The following TENM4 variants were observed in gnomAD, a reference collection of about 807,000 sequenced individuals.
The protein encoded by TENM4 is teneurin transmembrane protein 4.
TENM4 carries 82 observed loss-of-function variants against 243.3 expected under a neutral mutation model. That is an observed-to-expected ratio of 0.34 (90% CI 0.28 to 0.40). The LOEUF (loss-of-function observed/expected upper bound fraction) is 0.40. TENM4 is among the 10% of genes least tolerant of loss of function. The pLI is 1.00. For missense variants in TENM4, 3,138 were observed against 3,673.3 expected (o/e 0.85, Z 3.77); for synonymous variants, 1,412 against 1,456.3 (o/e 0.97, Z 0.69).
intron 6 of TENM4, among the ~76,000 whole-genome samples, chr11:78,912,836 G>A (rs1441647053): frequency 6.6e-6 from 1 of 152,198 alleles, no homozygotes; most frequent in African/African-American, 2.4e-5. Context: ...TTTTAAGCAT[G>A]GGGCTTGCAT....
chr11:78,983,462 C>T (rs1857848524), intron 6 of TENM4, among the ~76,000 whole-genome samples: 1 of 152,260 alleles, frequency 6.6e-6, no homozygotes, highest in Non-Finnish European at 1.5e-5. Flanking sequence ...TTTTGTTTGT[C>T]ATCCATTCGA....
chr11:79,268,944 G>A (rs1855923899), intron 2 of TENM4, among the ~76,000 whole-genome samples: 1 of 152,224 alleles, frequency 6.6e-6, no homozygotes, highest in African/African-American at 2.4e-5. Context: ...ATTGCTGGCT[G>A]AGAGTTCAAT....
chr11:78,695,510 C>T (rs919113134), intron 28 of TENM4, among the ~76,000 whole-genome samples: 11 of 151,990 alleles, frequency 7.2e-5, no homozygotes, highest in Admixed American at 6.6e-4. Flanking sequence ...ACTACAGGTG[C>T]GCACCACCAT....
intron 27 of TENM4, among the ~76,000 whole-genome samples, chr11:78,704,142 T>A (rs1054320452): frequency 7.6e-6 from 1 of 131,034 alleles, no homozygotes; most frequent in Non-Finnish European, 1.6e-5. Context: ...TGTATGTCTA[T>A]GTGTATGTAT....
intron 14 of TENM4, among the ~76,000 whole-genome samples, chr11:78,808,525 C>T (rs1381378694): frequency 6.6e-6 from 1 of 152,116 alleles, no homozygotes; most frequent in African/African-American, 2.4e-5. Context: ...AATAACTTGC[C>T]CAAGATTACA....
At chr11:78,911,360 C>G (rs1856181424) in intron 6 of TENM4, among the ~76,000 whole-genome samples, 1 of 152,188 alleles carries the variant, frequency 6.6e-6, no homozygotes. Context: ...ATCCTTAGTT[C>G]CAGACCATTC....
chr11:79,020,976 T>C (rs1858912117), intron 6 of TENM4, among the ~76,000 whole-genome samples: 2 of 152,212 alleles, frequency 1.3e-5, no homozygotes, highest in South Asian at 4.1e-4. Flanking sequence ...ATGCACAGTG[T>C]TGAAATGCCC....
chr11:78,922,028 C>T (rs533412419), intron 6 of TENM4, among the ~76,000 whole-genome samples: 10 of 152,180 alleles, frequency 6.6e-5, no homozygotes, highest in Non-Finnish European at 1.2e-4. Context: ...TGCTGGCACC[C>T]AGGCTGTATA....
intron 12 of TENM4, among the ~76,000 whole-genome samples, chr11:78,821,143 C>T (rs980634603): frequency 1.2e-4 from 18 of 152,218 alleles, no homozygotes; most frequent in African/African-American, 4.3e-4. Context: ...TCCAGAAGTC[C>T]ACCAACCACT....
chr11:78,671,589 G>C (rs7119564), intron 31 of TENM4, among the ~76,000 whole-genome samples: 96,612 of 151,606 alleles, frequency 0.64, 31,686 homozygotes, highest in Non-Finnish European at 0.69. Flanking sequence ...GAGTTCTGAT[G>C]CTAGAGCAGA....
At chr11:78,807,172 C>A (rs1857406718) in intron 14 of TENM4, among the ~76,000 whole-genome samples, 1 of 152,180 alleles carries the variant, frequency 6.6e-6, no homozygotes, top group African/African-American at 2.4e-5. Flanking sequence ...ATACAAATAT[C>A]TCTTTGGGAC....
intron 3 of TENM4, among the ~76,000 whole-genome samples, chr11:79,196,098 G>A (rs1010954214): frequency 3.3e-5 from 5 of 151,942 alleles, no homozygotes; most frequent in Non-Finnish European, 4.4e-5. Flanking sequence ...AGTGCCTTTC[G>A]CCTCCCACCA....
chr11:78,807,780 C>A (rs1857420437), intron 14 of TENM4, among the ~76,000 whole-genome samples: 1 of 152,082 alleles, frequency 6.6e-6, no homozygotes, highest in Admixed American at 6.5e-5. Context: ...CACTAGGGAG[C>A]CCTATGCTGC....
intron 29 of TENM4, among the ~76,000 whole-genome samples, chr11:78,684,559 C>CAT (rs569556496): frequency 1.5e-3 from 229 of 152,246 alleles, no homozygotes; most frequent in African/African-American, 4.4e-3. Flanking sequence ...CACACACACA[C>CAT]ATCATGGTGA....
intron 6 of TENM4, among the ~76,000 whole-genome samples, chr11:79,040,505 T>C (rs1859493969): frequency 6.6e-6 from 1 of 152,200 alleles, no homozygotes; most frequent in East Asian, 1.9e-4. Flanking sequence ...GTCTGGTGTT[T>C]GCTGCACTTA....
At chr11:79,435,224 A>T (rs1859246954) in intron 1 of TENM4, among the ~76,000 whole-genome samples, 1 of 150,462 alleles carries the variant, frequency 6.6e-6, no homozygotes, top group Non-Finnish European at 1.5e-5. Context: ...CATTAGAATA[A>T]AGACTGTAAA....
At chr11:79,334,073 G>A (rs934507733) in intron 1 of TENM4, among the ~76,000 whole-genome samples, 2 of 152,202 alleles carry the variant, frequency 1.3e-5, no homozygotes, top group Non-Finnish European at 2.9e-5. Context: ...CAGCAACACC[G>A]AGCATGGCAA....
intron 1 of TENM4, among the ~76,000 whole-genome samples, chr11:79,436,350 T>TA (rs11455052): frequency 1.8e-3 from 273 of 151,360 alleles, no homozygotes; most frequent in Middle Eastern, 3.4e-3. Context: ...GACTGGATCA[T>TA]AAAAAAAAAC....
chr11:78,710,890 A>G (rs2135799516), intron 26 of TENM4, among the ~76,000 whole-genome samples: 1 of 152,360 alleles, frequency 6.6e-6, no homozygotes, highest in East Asian at 1.9e-4. Flanking sequence ...TGTGGAGAAC[A>G]ACTGAAAAGC....
Sources: allele counts gnomAD v4.1 joint callset (sites outside exome capture counted in the v4.1 genomes callset), GRCh38; gene constraint gnomAD v4.1.1; transcripts MANE v1.5; gene names NCBI Gene and HGNC (gene_info 2026-07-23, HGNC 2026-07-21).